KCNC2: variants seen among roughly 807,000 people sequenced by gnomAD.
KCNC2 encodes voltage-gated potassium channel KCNC2.
A neutral mutation model predicts 44.5 loss-of-function variants in KCNC2; 21 were observed. The observed-to-expected ratio is 0.47, with a 90% CI of 0.33 to 0.68. The LOEUF is 0.68. KCNC2 is among the 30% of genes least tolerant of loss of function. The probability of loss-of-function intolerance (pLI) is 0.01; values close to 1 mark genes in which losing one functional copy is unlikely to be tolerated. For missense variants in KCNC2, 589 were observed against 826.2 expected, an observed-to-expected ratio of 0.71 and a Z score of 3.52; for synonymous variants, 391 against 339.1, an observed-to-expected ratio of 1.15 and a Z score of -1.68.
intron 2 of KCNC2, among the ~76,000 whole-genome samples, chr12:75,154,626 A>G (rs1479204524): frequency 6.6e-6 from 1 of 152,076 alleles, no homozygotes; most frequent in Non-Finnish European, 1.5e-5. Flanking sequence ...GCATACATAG[A>G]TGCCATCATA....
intron 2 of KCNC2, among the ~76,000 whole-genome samples, chr12:75,204,810 A>G (rs1332385463): frequency 6.6e-6 from 1 of 152,272 alleles, no homozygotes; most frequent in East Asian, 1.9e-4. Flanking sequence ...ATGGTGACTT[A>G]TGATTACTTT....
At chr12:75,145,658 T>C (rs1889970104) in intron 2 of KCNC2, among the ~76,000 whole-genome samples, 2 of 152,164 alleles carry the variant, frequency 1.3e-5, no homozygotes, top group Non-Finnish European at 2.9e-5. Flanking sequence ...ATTTAAAACA[T>C]TTAATCAGTG....
chr12:75,107,070 T>C (rs1409968555), intron 2 of KCNC2, among the ~76,000 whole-genome samples: 1 of 151,602 alleles, frequency 6.6e-6, no homozygotes, highest in Non-Finnish European at 1.5e-5. Flanking sequence ...TTTGGGGGGC[T>C]GAGGGGGGCA....
At chr12:75,197,314 T>C (rs951449869) in intron 2 of KCNC2, among the ~76,000 whole-genome samples, 3 of 152,040 alleles carry the variant, frequency 2.0e-5, no homozygotes, top group African/African-American at 7.2e-5. Context: ...CCATGTTTCA[T>C]GCCTTCAGAT....
chr12:75,049,464 G>A (rs1880931426), intron 3 of KCNC2, among the ~76,000 whole-genome samples: 1 of 152,012 alleles, frequency 6.6e-6, no homozygotes, highest in Non-Finnish European at 1.5e-5. Context: ...TGTTTAATCT[G>A]CAAAATATTT....
intron 2 of KCNC2, among the ~76,000 whole-genome samples, chr12:75,053,069 G>A (rs1393980743): frequency 5.9e-5 from 9 of 152,080 alleles, no homozygotes; most frequent in South Asian, 4.2e-4. Flanking sequence ...ATCATTTGTC[G>A]TAACACTTAG....
intron 2 of KCNC2, among the ~76,000 whole-genome samples, chr12:75,127,675 A>G (rs74110423): frequency 0.054 from 8,292 of 152,216 alleles, 285 homozygotes; most frequent in African/African-American, 0.086. Context: ...TGAAAGAGAC[A>G]CAAAATGTGT....
At chr12:75,197,491 T>C (rs923243500) in intron 2 of KCNC2, among the ~76,000 whole-genome samples, 5 of 152,074 alleles carry the variant, frequency 3.3e-5, no homozygotes, top group African/African-American at 4.8e-5. Context: ...GTCTACACTA[T>C]ATCAATGTCT....
chr12:75,107,906 C>A (rs1042603823), intron 2 of KCNC2, among the ~76,000 whole-genome samples: 1 of 152,072 alleles, frequency 6.6e-6, no homozygotes, highest in Admixed American at 6.6e-5. Flanking sequence ...GCATATACAT[C>A]TAATTTACTT....
intron 2 of KCNC2, among the ~76,000 whole-genome samples, chr12:75,074,214 A>T (rs562577745): frequency 6.6e-6 from 1 of 150,780 alleles, no homozygotes; most frequent in African/African-American, 2.4e-5. Flanking sequence ...AGGAAAGAAG[A>T]TCTAAGACTA....
chr12:75,197,933 T>C (rs896546636), intron 2 of KCNC2, among the ~76,000 whole-genome samples: 4 of 151,734 alleles, frequency 2.6e-5, no homozygotes, highest in East Asian at 1.9e-4. Flanking sequence ...GAATCAATGA[T>C]GAAAAAAATT....
At chr12:75,093,832 A>G (rs1885697579) in intron 2 of KCNC2, among the ~76,000 whole-genome samples, 1 of 151,768 alleles carries the variant, frequency 6.6e-6, no homozygotes, top group Non-Finnish European at 1.5e-5. Context: ...TCTACTGACC[A>G]GCAAGAAAAC....
intron 4 of KCNC2, among the ~76,000 whole-genome samples, chr12:75,044,999 G>T (rs919596060): frequency 6.6e-6 from 1 of 151,904 alleles, no homozygotes; most frequent in African/African-American, 2.4e-5. Context: ...CATGCACAGA[G>T]GGTTAGTTAT....
intron 2 of KCNC2, among the ~76,000 whole-genome samples, chr12:75,075,192 A>T (rs193013750): frequency 3.3e-5 from 5 of 152,214 alleles, no homozygotes; most frequent in Admixed American, 2.6e-4. Flanking sequence ...ATATTTCAGA[A>T]TTCTATTAAA....
chr12:75,070,130 T>C (rs1360431811), intron 2 of KCNC2, among the ~76,000 whole-genome samples: 1 of 152,166 alleles, frequency 6.6e-6, no homozygotes, highest in Non-Finnish European at 1.5e-5. Context: ...AATGAGAATA[T>C]TTTTCTGCCT....
At chr12:75,098,620 A>T in intron 2 of KCNC2, among the ~76,000 whole-genome samples, 1 of 152,016 alleles carries the variant, frequency 6.6e-6, no homozygotes, top group East Asian at 1.9e-4. Context: ...TTAGCCAGGC[A>T]TGGTGGTGGA....
intron 2 of KCNC2, among the ~76,000 whole-genome samples, chr12:75,178,311 T>A (rs2137625179): frequency 6.6e-6 from 1 of 152,074 alleles, no homozygotes; most frequent in African/African-American, 2.4e-5. Context: ...ATAGACCTGT[T>A]ATAATATAAA....
At chr12:75,087,948 C>T (rs1885160373) in intron 2 of KCNC2, among the ~76,000 whole-genome samples, 1 of 151,904 alleles carries the variant, frequency 6.6e-6, no homozygotes, top group Non-Finnish European at 1.5e-5. Flanking sequence ...TCTTAACTGC[C>T]CCCAAGTGAC....
intron 2 of KCNC2, among the ~76,000 whole-genome samples, chr12:75,074,231 GATT>G (rs1883696758): frequency 8.7e-6 from 1 of 114,586 alleles, no homozygotes; most frequent in Admixed American, 1.0e-4. Context: ...ACTACTCATA[GATT>G]TTTTTTTTTT....
Sources: gnomAD v4.1 joint callset for allele counts (sites outside exome capture counted in the v4.1 genomes callset) on GRCh38, gnomAD v4.1.1 for gene constraint, MANE v1.5 for transcripts, NCBI Gene and HGNC (gene_info 2026-07-23, HGNC 2026-07-21) for gene names.